NDST1: variants seen among roughly 807,000 people sequenced by gnomAD.
NDST1 encodes the protein N-deacetylase and N-sulfotransferase 1.
A neutral mutation model predicts 92.8 loss-of-function variants in NDST1; 35 were observed. The ratio of observed to expected loss-of-function variants is 0.38; its 90% CI spans 0.29 to 0.50. NDST1 has a LOEUF of 0.50. NDST1 is among the 20% of genes least tolerant of loss of function. The pLI is 0.94. For missense variants in NDST1, 822 were observed against 1,182.7 expected (o/e 0.69, Z 4.47); for synonymous variants, 493 against 500.3 (o/e 0.99, Z 0.19).
At chr5:150,500,369 T>A (rs1753176603) in intron 1 of NDST1, among the ~76,000 whole-genome samples, 1 of 152,198 alleles carries the variant, frequency 6.6e-6, no homozygotes, top group Non-Finnish European at 1.5e-5. Context: ...CTTGGGTGGC[T>A]GTTGTGCTGG....
chr5:150,502,966 T>C (rs1485044602), intron 1 of NDST1, among the ~76,000 whole-genome samples: 1 of 151,942 alleles, frequency 6.6e-6, no homozygotes, highest in Non-Finnish European at 1.5e-5. Context: ...CATGGCACAG[T>C]GGTTAAGAAT....
At chr5:150,514,594 A>G (rs1266464440) in intron 1 of NDST1, among the ~76,000 whole-genome samples, 2 of 151,580 alleles carry the variant, frequency 1.3e-5, no homozygotes, top group Non-Finnish European at 2.9e-5. Flanking sequence ...TGCTTAGCAC[A>G]GTGCCAGGCT....
intron 6 of NDST1, 22 bp downstream of exon 6, chr5:150,535,907 C>A (rs1331740878): frequency 1.9e-6 from 3 of 1,609,492 alleles, no homozygotes; most frequent in African/African-American, 2.7e-5. Context: ...CCTGGAAGCC[C>A]AGGAGGTGGG....
upstream of NDST1, among the ~76,000 whole-genome samples, chr5:150,504,186 C>T (rs1313996093): frequency 6.6e-6 from 1 of 152,194 alleles, no homozygotes; most frequent in Non-Finnish European, 1.5e-5. Context: ...CCAGGACAGC[C>T]AAGGACATTT....
intron 6 of NDST1, among the ~76,000 whole-genome samples, 166 bp from the exon 7 acceptor site, chr5:150,539,062 T>TG (rs1755122796): frequency 6.6e-6 from 1 of 152,192 alleles, no homozygotes; most frequent in Admixed American, 6.5e-5. Flanking sequence ...TGTAGTTCAC[T>TG]GGGGGGAACG....
chr5:150,523,465 A>G (rs1447866623), intron 2 of NDST1, among the ~76,000 whole-genome samples: 2 of 152,250 alleles, frequency 1.3e-5, no homozygotes, highest in Admixed American at 1.3e-4. Flanking sequence ...GCAGGTGGCT[A>G]GCAGCCTGAT....
At chr5:150,501,930 T>C (rs555717011) in intron 1 of NDST1, among the ~76,000 whole-genome samples, 1 of 151,490 alleles carries the variant, frequency 6.6e-6, no homozygotes, top group African/African-American at 2.4e-5. Context: ...CCACGGGAAA[T>C]TGAGGGAAGA....
chr5:150,539,274 A>G lies in NDST1; in HGVS notation c.1484A>G (p.Tyr495Cys). ...GGCCTCTTCACACACACCATCTTCT[A>G]CAACGAGTACCCTGGCGGCTCCAGT... is the stretch of plus-strand genomic sequence containing the variant. ...TCGLFTHTIF[Y>C]NEYPGGSSEL... Residue 495 changes from tyrosine (Y) to cysteine (C), a missense_variant, in exon 7 of 15, where the codon TAC (tyrosine) becomes TGC (cysteine). Tyr to Cys is a radical substitution (Grantham distance 194). Transcript: ENST00000261797. 6.2e-7 allele frequency: 1 copy of G among 1,613,994 alleles called. No individual in the cohort carries two copies. The highest frequency in any genetic ancestry group is 8.5e-7 in the Non-Finnish European group (1 of 1,179,994).
chr5:150,528,293 G>T lies in NDST1; in HGVS notation c.1003G>T (p.Val335Leu). ...KEGTRMKVEDVKALFDTQNEL... is the reference protein window; with the variant it reads ...KEGTRMKVEDLKALFDTQNEL... The stretch of plus-strand genomic sequence containing the variant: ...GGGCACACGCATGAAGGTGGAGGAC[G>T]TGAAGGTATGGCCGGGGGTGCTAGA... Residue 335 changes from valine (V) to leucine (L), a missense_variant, in exon 3 of 15, where the codon GTG (valine) becomes TTG (leucine). By Grantham distance (32) the Val-to-Leu change is conservative. Coordinates refer to ENST00000261797, the MANE Select transcript of NDST1 (RefSeq NM_001543.5). 1 of 1,593,352 alleles carries T rather than the reference G, an allele frequency of 6.3e-7. No individual in the cohort carries two copies. The highest frequency in any genetic ancestry group is 8.6e-7 in the Non-Finnish European group (1 of 1,165,342).
chr5:150,532,468 C>T (rs945684901), intron 3 of NDST1, among the ~76,000 whole-genome samples: 1 of 152,170 alleles, frequency 6.6e-6, no homozygotes, highest in Non-Finnish European at 1.5e-5. Flanking sequence ...CACAGAGCCC[C>T]ACGCTCAGAG....
chr5:150,552,027 G>A (rs543789718), intron 14 of NDST1, 172 bp downstream of exon 14: 4 of 690,622 alleles, frequency 5.8e-6, no homozygotes, highest in African/African-American at 1.9e-5. Context: ...TGGTGGGTCA[G>A]ACCTGATTTC....
At chr5:150,517,954 G>T (rs1007956247) in intron 1 of NDST1, among the ~76,000 whole-genome samples, 2 of 152,246 alleles carry the variant, frequency 1.3e-5, no homozygotes, top group African/African-American at 2.4e-5. Flanking sequence ...AGGCCAAGGG[G>T]TGGGGCTGGG....
At chr5:150,534,121 G>A (rs1056968459) in intron 4 of NDST1, among the ~76,000 whole-genome samples, 11 of 149,770 alleles carry the variant, frequency 7.3e-5, no homozygotes, top group Admixed American at 4.7e-4. Flanking sequence ...TTTAGAGACG[G>A]GACCTCTCTC....
At chr5:150,517,123 C>T (rs1223296962) in intron 1 of NDST1, among the ~76,000 whole-genome samples, 2 of 152,008 alleles carry the variant, frequency 1.3e-5, no homozygotes, top group Non-Finnish European at 2.9e-5. Flanking sequence ...CACACAGCTT[C>T]CCCCATTATC....
chr5:150,549,633 C>A, intron 12 of NDST1, 45 bp from the exon 13 acceptor site: 1 of 1,223,960 alleles, frequency 8.2e-7, no homozygotes, highest in Non-Finnish European at 1.2e-6. Flanking sequence ...CCCTTGTTTG[C>A]CACCGAAGTC....
At position 150,521,759 on chromosome 5, in the gene NDST1, T is replaced by G; in HGVS notation, c.505T>G (p.Phe169Val). 1 of 1,613,522 alleles carries G rather than the reference T, an allele frequency of 6.2e-7. No homozygotes were observed. Among genetic ancestry groups the G allele is most frequent in the Non-Finnish European group, 8.5e-7 (1 of 1,180,028 alleles). The change falls in exon 2 of 15, where the codon TTC becomes GTC. Residue 169 changes from phenylalanine to valine, a missense_variant. Transcript: ENST00000261797. This position sits in a 1 kb window ranked among gnomAD's most constrained non-coding sequence, Gnocchi z 5.9. ...CVAYGVGIIG[F>V]FKANENSLLS... The stretch of plus-strand genomic sequence containing the variant: ...GGCCTACGGCGTGGGCATCATTGGC[T>G]TCTTCAAGGTACACAAGAAGCAGGG...
rs1754543685 is a variant in NDST1, at chr5:150,527,870, G to T, written c.580G>T (p.Gly194Cys). Residue 194 changes from glycine to cysteine, a missense_variant, in exon 3 of 15, where the codon GGC (glycine) becomes TGC (cysteine). Gly to Cys is a radical substitution (Grantham distance 159). Coordinates refer to ENST00000261797, the MANE Select transcript of NDST1 (RefSeq NM_001543.5). ...GFPLFLHSNL[G>C]LKDCSINPKS... ...CCCCCTGTTCCTGCACTCAAACCTG[G>T]GCCTGAAGGACTGCAGCATCAACCC... 6.2e-7 allele frequency: 1 copy of T among 1,613,988 alleles called. No individual in the cohort carries two copies. The highest frequency in any genetic ancestry group is 1.1e-5 in the South Asian group (1 of 91,086).
chr5:150,537,922 T>A (rs1228720858), intron 6 of NDST1, among the ~76,000 whole-genome samples: 1 of 152,198 alleles, frequency 6.6e-6, no homozygotes, highest in Non-Finnish European at 1.5e-5. Flanking sequence ...AAAGGACCCA[T>A]GCTGAATATC....
At chr5:150,506,790 C>T (rs1396399575), upstream of NDST1, among the ~76,000 whole-genome samples, 1 of 152,108 alleles carries the variant, frequency 6.6e-6, no homozygotes, top group African/African-American at 2.4e-5. Context: ...GTCGTGATGA[C>T]AAGCCCCAGC....
Sources: gnomAD v4.1 joint callset for allele counts (sites outside exome capture counted in the v4.1 genomes callset) on GRCh38, gnomAD v4.1.1 for gene constraint, Gnocchi (gnomAD v3.1) non-coding constraint, MANE v1.5 for transcripts, NCBI Gene and HGNC (gene_info 2026-07-23, HGNC 2026-07-21) for gene names.